Variants in EPC2 observed in about 807,000 individuals in gnomAD.
EPC2 encodes enhancer of polycomb homolog 2.
In EPC2, 14 loss-of-function variants were observed where a neutral mutation model predicts 92.1. The observed-to-expected ratio is 0.15, with a 90% CI of 0.10 to 0.24. The LOEUF is 0.24. Among genes scored for constraint, EPC2 ranks in the 10% least tolerant of loss-of-function variants. EPC2 has a pLI of 1.00. For missense variants in EPC2, 755 were observed against 971.5 expected, an observed-to-expected ratio of 0.78 and a Z score of 2.96; for synonymous variants, 340 against 334.7, an observed-to-expected ratio of 1.02 and a Z score of -0.17.
At chr2:148,728,889 G>A (rs555517635) in intron 2 of EPC2, among the ~76,000 whole-genome samples, 2 of 151,534 alleles carry the variant, frequency 1.3e-5, no homozygotes, top group Non-Finnish European at 2.9e-5. Context: ...AAAATTAGCC[G>A]GGCATGGTGG....
At chr2:148,701,637 C>T (rs557473858) in intron 2 of EPC2, among the ~76,000 whole-genome samples, 1 of 152,176 alleles carries the variant, frequency 6.6e-6, no homozygotes, top group South Asian at 2.1e-4. Context: ...TATAATAATA[C>T]TTTGTTGAGA....
intron 3 of EPC2, among the ~76,000 whole-genome samples, chr2:148,745,117 T>G (rs1157795509): frequency 1.3e-5 from 2 of 152,074 alleles, no homozygotes; most frequent in African/African-American, 4.8e-5. Context: ...ACTTGGTTTT[T>G]TGTTGGGAGT....
chr2:148,676,532 A>C (rs771580332), intron 1 of EPC2, among the ~76,000 whole-genome samples: 2 of 152,090 alleles, frequency 1.3e-5, no homozygotes, highest in Non-Finnish European at 2.9e-5. Flanking sequence ...AAAAAATAAC[A>C]ATCACTTAAT....
intron 2 of EPC2, among the ~76,000 whole-genome samples, chr2:148,731,506 C>T (rs1682627007): frequency 6.6e-6 from 1 of 152,108 alleles, no homozygotes; most frequent in South Asian, 2.1e-4. Flanking sequence ...GGGTTCAAGC[C>T]ATTCTCCGGT....
intron 1 of EPC2, among the ~76,000 whole-genome samples, chr2:148,650,043 A>G (rs965532042): frequency 3.9e-5 from 6 of 152,166 alleles, no homozygotes; most frequent in African/African-American, 1.2e-4. Context: ...TCTTAAGCAT[A>G]TAAGAAATTT....
At chr2:148,684,395 T>C (rs796839064) in intron 1 of EPC2, among the ~76,000 whole-genome samples, 5 of 152,376 alleles carry the variant, frequency 3.3e-5, no homozygotes, top group African/African-American at 1.2e-4. Flanking sequence ...CATTTGCGTT[T>C]GGGTTCTTGG....
chr2:148,782,050 G>T (rs966572110), intron 11 of EPC2, among the ~76,000 whole-genome samples: 1 of 152,112 alleles, frequency 6.6e-6, no homozygotes, highest in Admixed American at 6.5e-5. Flanking sequence ...AATTATATAT[G>T]TAGTTGTAAG....
chr2:148,679,595 C>A (rs1414874414), intron 1 of EPC2, among the ~76,000 whole-genome samples: 1 of 152,092 alleles, frequency 6.6e-6, no homozygotes, highest in Non-Finnish European at 1.5e-5. Flanking sequence ...CTTCCTAGTT[C>A]TTTGATGTTG....
At chr2:148,700,584 C>T (rs1171318623) in intron 2 of EPC2, among the ~76,000 whole-genome samples, 1 of 138,168 alleles carries the variant, frequency 7.2e-6, no homozygotes, top group South Asian at 2.3e-4. Context: ...CTATTCTGTT[C>T]CATTGATCTA....
In EPC2 at chr2:148,683,272, A is replaced by AT. The variant is rs201642199; in HGVS notation, c.154-6929dup. ...CCAAGTCTCCAAAGTCCATTATATC[A>AT]TTTTTTTTTTTTTGAGATGGAGTCT... On this transcript the variant is annotated intron_variant, in intron 1 of 13. Coordinates refer to ENST00000258484, the MANE Select transcript of EPC2 (RefSeq NM_015630.4). Among the ~76,000 whole-genome samples, 548 of 139,794 alleles carry AT rather than the reference A, an allele frequency of 3.9e-3. 1 individual carries two copies. The highest frequency in any genetic ancestry group is 0.011 in the Middle Eastern group (3 of 266). 91.7% of individuals were successfully genotyped at this position (139,794 alleles called of 152,430 possible).
At chr2:148,660,636 T>C (rs904083486) in intron 1 of EPC2, among the ~76,000 whole-genome samples, 2 of 152,160 alleles carry the variant, frequency 1.3e-5, no homozygotes, top group Non-Finnish European at 2.9e-5. Context: ...GTTAAGTAGA[T>C]TTCCCCCTTC....
In EPC2 at chr2:148,715,195, G is replaced by A. The variant is rs557937175; in HGVS notation, c.313+24822G>A. ...ACTACAGGCACGTGCCACCGCACCC[G>A]GCTACTTCTTTGTATTTTTAATAGA... On this transcript the variant is annotated intron_variant, in intron 2 of 13. Transcript: ENST00000258484. 3.1e-4 allele frequency among the ~76,000 whole-genome samples: 47 copies of A among 151,986 alleles called. No individual in the cohort carries two copies. In the East Asian group the frequency reaches 4.6e-3, roughly 15 times the overall value.
At chr2:148,757,427 C>G (rs1480473156) in intron 4 of EPC2, among the ~76,000 whole-genome samples, 1 of 152,114 alleles carries the variant, frequency 6.6e-6, no homozygotes, top group Non-Finnish European at 1.5e-5. Context: ...TAGATCTGTG[C>G]ATATATGTAC....
chr2:148,727,048 G>A (rs919105568), intron 2 of EPC2, among the ~76,000 whole-genome samples: 30 of 152,072 alleles, frequency 2.0e-4, no homozygotes, highest in African/African-American at 7.2e-4. Context: ...TCTTCTAGGA[G>A]TTTTATAATT....
intron 1 of EPC2, among the ~76,000 whole-genome samples, chr2:148,665,650 T>C (rs1057110438): frequency 6.6e-6 from 1 of 152,206 alleles, no homozygotes; most frequent in Admixed American, 6.5e-5. Flanking sequence ...ATGTTTAGGA[T>C]AACAGTTTTC....
intron 2 of EPC2, chr2:148,691,607 T>G: frequency 6.4e-7 from 1 of 1,550,506 alleles, no homozygotes; most frequent in Non-Finnish European, 8.7e-7. Context: ...AGAATTTTCA[T>G]TTGTTTCTGC....
At chr2:148,662,073 T>A (rs566886150) in intron 1 of EPC2, among the ~76,000 whole-genome samples, 17 of 152,258 alleles carry the variant, frequency 1.1e-4, no homozygotes, top group African/African-American at 4.1e-4. Flanking sequence ...AAAATGCTCA[T>A]CATCACTGGC....
intron 2 of EPC2, among the ~76,000 whole-genome samples, chr2:148,717,334 G>C (rs997642058): frequency 2.0e-5 from 3 of 151,702 alleles, no homozygotes; most frequent in Non-Finnish European, 4.4e-5. Flanking sequence ...TGTGTTGTTA[G>C]GTTGTTAACT....
At chr2:148,654,290 G>A (rs1231507727) in intron 1 of EPC2, among the ~76,000 whole-genome samples, 1 of 152,046 alleles carries the variant, frequency 6.6e-6, no homozygotes, top group Non-Finnish European at 1.5e-5. Flanking sequence ...TGTCTTATAG[G>A]CAACACTCAT....
Sources: allele counts gnomAD v4.1 joint callset (sites outside exome capture counted in the v4.1 genomes callset), GRCh38; gene constraint gnomAD v4.1.1; transcripts MANE v1.5; gene names NCBI Gene and HGNC (gene_info 2026-07-23, HGNC 2026-07-21).